The following PPARGC1A variants were observed in gnomAD, a reference collection of about 807,000 sequenced individuals.
PPARGC1A encodes peroxisome proliferator-activated receptor gamma coactivator 1-alpha.
In PPARGC1A, 25 loss-of-function variants were observed where a neutral mutation model predicts 88.7. That is an observed-to-expected ratio of 0.28 (90% CI 0.21 to 0.39). PPARGC1A has a LOEUF of 0.39. PPARGC1A is among the 10% of genes least tolerant of loss of function. PPARGC1A has a pLI of 1.00. For missense variants in PPARGC1A, 880 were observed against 968.7 expected (o/e 0.91, Z 1.22); for synonymous variants, 363 against 355.6 (o/e 1.02, Z -0.24).
chr4:23,832,337 A>C (rs1725160508), intron 2 of PPARGC1A, among the ~76,000 whole-genome samples: 1 of 152,124 alleles, frequency 6.6e-6, no homozygotes, highest in South Asian at 2.1e-4. Context: ...TTAGTCATAA[A>C]TCTCGAACTG....
chr4:24,406,198 G>A, the PPARGC1A span, among the ~76,000 whole-genome samples: 20 of 152,260 alleles, frequency 1.3e-4, 1 homozygote, highest in South Asian at 3.5e-3. Context: ...AAATACTCTC[G>A]CCCTGGGTGG....
the PPARGC1A span, among the ~76,000 whole-genome samples, chr4:24,045,070 C>A: frequency 6.6e-6 from 1 of 152,056 alleles, no homozygotes; most frequent in Admixed American, 6.6e-5. Context: ...TCAGCAAGAG[C>A]CTACATCCTA....
chr4:24,461,056 T>C, the PPARGC1A span, among the ~76,000 whole-genome samples: 2 of 152,158 alleles, frequency 1.3e-5, no homozygotes, highest in Non-Finnish European at 2.9e-5. Context: ...CCCTAGTAGC[T>C]GAGACTACAG....
At chr4:24,455,790 A>G in the PPARGC1A span, among the ~76,000 whole-genome samples, 1 of 152,196 alleles carries the variant, frequency 6.6e-6, no homozygotes, top group Admixed American at 6.5e-5. Context: ...TCTGCCATGA[A>G]ATGATGCAAC....
chr4:23,886,031 G>T (rs1002960281), intron 1 of PPARGC1A, among the ~76,000 whole-genome samples: 1 of 152,040 alleles, frequency 6.6e-6, no homozygotes, highest in Admixed American at 6.6e-5. Flanking sequence ...CTACCTAACC[G>T]CTAATGTCAG....
the PPARGC1A span, among the ~76,000 whole-genome samples, chr4:23,968,836 C>T: frequency 3.4e-3 from 519 of 151,628 alleles, 5 homozygotes; most frequent in Middle Eastern, 0.024. Flanking sequence ...TGCTTGAACC[C>T]GGGAAGTGGA....
the PPARGC1A span, among the ~76,000 whole-genome samples, chr4:23,989,971 A>T: frequency 6.8e-6 from 1 of 147,792 alleles, no homozygotes; most frequent in South Asian, 2.1e-4. Flanking sequence ...ATTTCTAGGG[A>T]TATATATACA....
At chr4:24,130,245 C>A in the PPARGC1A span, among the ~76,000 whole-genome samples, 1 of 152,170 alleles carries the variant, frequency 6.6e-6, no homozygotes, top group Non-Finnish European at 1.5e-5. Context: ...ATGCTCACAA[C>A]AGCCACTGAG....
chr4:23,887,895 T>TA (rs1717178918), intron 1 of PPARGC1A, among the ~76,000 whole-genome samples: 1 of 152,098 alleles, frequency 6.6e-6, no homozygotes, highest in Admixed American at 6.6e-5. Flanking sequence ...TAGTGGGGTG[T>TA]ATGTCATGTG....
At chr4:24,286,379 T>C in the PPARGC1A span, among the ~76,000 whole-genome samples, 98 of 152,310 alleles carry the variant, frequency 6.4e-4, no homozygotes, top group African/African-American at 2.2e-3. Flanking sequence ...CTAATATTTA[T>C]TTTCCCAGCC....
the PPARGC1A span, among the ~76,000 whole-genome samples, chr4:24,020,293 A>C: frequency 6.6e-6 from 1 of 152,274 alleles, no homozygotes; most frequent in East Asian, 1.9e-4. Flanking sequence ...AAATATATTT[A>C]TTTTTGGAAG....
At chr4:24,082,005 A>G in the PPARGC1A span, among the ~76,000 whole-genome samples, 1 of 152,116 alleles carries the variant, frequency 6.6e-6, no homozygotes, top group Admixed American at 6.6e-5. Flanking sequence ...GAAAACTGAA[A>G]TACACTTGAT....
At chr4:24,351,515 G>A in the PPARGC1A span, among the ~76,000 whole-genome samples, 1 of 151,922 alleles carries the variant, frequency 6.6e-6, no homozygotes, top group Non-Finnish European at 1.5e-5. Flanking sequence ...CAGGTTTAAA[G>A]AGATATTTTG....
the PPARGC1A span, among the ~76,000 whole-genome samples, chr4:23,954,334 A>T: frequency 6.6e-5 from 10 of 152,194 alleles, no homozygotes; most frequent in Admixed American, 6.6e-4. Context: ...GGCATATGTT[A>T]GTAACCAAAT....
At chr4:23,821,135 A>G (rs912763709) in intron 7 of PPARGC1A, among the ~76,000 whole-genome samples, 2 of 152,130 alleles carry the variant, frequency 1.3e-5, no homozygotes, top group Non-Finnish European at 2.9e-5. Flanking sequence ...GGCAAGTGCA[A>G]TGAAGCCTAT....
chr4:24,206,960 T>C, the PPARGC1A span, among the ~76,000 whole-genome samples: 1 of 151,654 alleles, frequency 6.6e-6, no homozygotes, highest in Non-Finnish European at 1.5e-5. Context: ...TTTTTACAAT[T>C]GGTAGGGAGA....
the PPARGC1A span, among the ~76,000 whole-genome samples, chr4:24,026,549 A>C: frequency 9.9e-5 from 15 of 152,276 alleles, no homozygotes; most frequent in East Asian, 2.3e-3. Context: ...TACTCAAGAT[A>C]AGTATGAAAA....
chr4:24,467,674 AAT>A, the PPARGC1A span, among the ~76,000 whole-genome samples: 1 of 152,080 alleles, frequency 6.6e-6, no homozygotes, highest in African/African-American at 2.4e-5. Context: ...AAAAAAAAAA[AAT>A]GGGCAGTCAG....
chr4:24,238,545 G>T, the PPARGC1A span, among the ~76,000 whole-genome samples: 109 of 152,212 alleles, frequency 7.2e-4, no homozygotes, highest in African/African-American at 2.6e-3. Context: ...ATTAAATTAA[G>T]CCACTGATCT....
Sources: allele counts gnomAD v4.1 joint callset (sites outside exome capture counted in the v4.1 genomes callset), GRCh38; gene constraint gnomAD v4.1.1; transcripts MANE v1.5; gene names NCBI Gene and HGNC (gene_info 2026-07-23, HGNC 2026-07-21).